The following ELOVL7 variants were observed in gnomAD, a reference collection of about 807,000 sequenced individuals.
ELOVL7 encodes the protein ELOVL fatty acid elongase 7.
Under a neutral mutation model 35.7 loss-of-function variants are expected in ELOVL7, and 27 were observed. That is an observed-to-expected ratio of 0.76 (90% CI 0.56 to 1.04). The LOEUF (loss-of-function observed/expected upper bound fraction) is 1.04, where lower values mean the gene tolerates loss of function less well. Ranked by LOEUF, ELOVL7 falls within the 50% of genes least tolerant of loss-of-function variation. ELOVL7 has a pLI of 0.00. For missense variants in ELOVL7, 327 were observed against 340.8 expected (o/e 0.96, Z 0.32); for synonymous variants, 113 against 114.6 (o/e 0.99, Z 0.09).
At chr5:60,808,131 C>T (rs1441495126) in intron 1 of ELOVL7, among the ~76,000 whole-genome samples, 2 of 149,696 alleles carry the variant, frequency 1.3e-5, no homozygotes, top group Non-Finnish European at 3.0e-5. Flanking sequence ...GTATTCACAA[C>T]CAAACAGTGA....
chr5:60,835,983 G>GCAC (rs1746775556), intron 1 of ELOVL7, among the ~76,000 whole-genome samples: 2 of 151,972 alleles, frequency 1.3e-5, no homozygotes, highest in Non-Finnish European at 2.9e-5. Context: ...TCATGCCTGG[G>GCAC]CACCACCCCA....
intron 1 of ELOVL7, among the ~76,000 whole-genome samples, chr5:60,811,214 G>C (rs1745221117): frequency 6.6e-6 from 1 of 151,800 alleles, no homozygotes; most frequent in Non-Finnish European, 1.5e-5. Flanking sequence ...TTATTCATTT[G>C]AACTATGAAC....
At chr5:60,783,990 C>A (rs1399356976) in intron 3 of ELOVL7, 2 of 666,056 alleles carry the variant, frequency 3.0e-6, no homozygotes, top group African/African-American at 3.5e-5. Context: ...GTCTGACAGT[C>A]TATACCCCAA....
intron 1 of ELOVL7, among the ~76,000 whole-genome samples, chr5:60,835,587 T>G (rs1746750903): frequency 6.6e-6 from 1 of 151,852 alleles, no homozygotes; most frequent in Non-Finnish European, 1.5e-5. Flanking sequence ...ATTTTTTAAA[T>G]TTTTTGTAGA....
At position 60,844,218 on chromosome 5, in the gene ELOVL7, A is replaced by C. The variant is rs1410546762; in HGVS notation, c.-144T>G. ...CGCGGGAGAGAGGGCGGCGACTGGCAGCGCGAGCGCGGAGCTCCTCACAGC... is the reference window on the plus strand; with the variant it reads ...CGCGGGAGAGAGGGCGGCGACTGGCCGCGCGAGCGCGGAGCTCCTCACAGC... On this transcript the variant is annotated 5_prime_UTR_variant, in exon 1 of 9. Transcript: ENST00000508821. 6.6e-6 allele frequency: 1 copy of C among 152,156 alleles called. No individual in the cohort carries two copies. The highest frequency in any genetic ancestry group is 6.5e-5 in the Admixed American group (1 of 15,272). 9.4% of individuals were successfully genotyped at this position (152,156 alleles called of 1,614,324 possible). A position where few individuals can be genotyped will look rare whatever the true frequency, so the allele number is the denominator to read the frequency against.
chr5:60,823,444 A>G (rs1228858396), intron 1 of ELOVL7, among the ~76,000 whole-genome samples: 1 of 152,210 alleles, frequency 6.6e-6, no homozygotes, highest in Non-Finnish European at 1.5e-5. Context: ...GAAGGCACGG[A>G]CTATAACTGT....
intron 1 of ELOVL7, among the ~76,000 whole-genome samples, chr5:60,838,798 C>A (rs1183798353): frequency 6.6e-6 from 1 of 151,930 alleles, no homozygotes; most frequent in Non-Finnish European, 1.5e-5. Flanking sequence ...CTGAGGAGGG[C>A]AGATCACCTG....
rs1371479713 is a variant in ELOVL7, at chr5:60,753,589, G to C, written c.*1035C>G. On this transcript the variant is annotated 3_prime_UTR_variant, in exon 9 of 9. Transcript: ENST00000508821. ...TTCTCTGTGCCACAATTTGCCTCTA[G>C]TTGCTTCACAGCCACTCTAACTCAT... The C allele has an allele frequency of 6.6e-6, 1 of 152,086 alleles. No individual in the cohort carries two copies. The highest frequency in any genetic ancestry group is 1.5e-5 in the Non-Finnish European group (1 of 68,006). The allele number at this position is 152,086 out of a possible 1,614,324, so 9.4% of individuals were successfully genotyped here.
chr5:60,775,716 T>C (rs182020887), intron 3 of ELOVL7, among the ~76,000 whole-genome samples: 1 of 151,918 alleles, frequency 6.6e-6, no homozygotes, highest in East Asian at 1.9e-4. Flanking sequence ...TCAATGAAAA[T>C]AAGCAATGGG....
intron 1 of ELOVL7, among the ~76,000 whole-genome samples, chr5:60,839,737 C>T (rs1469750449): frequency 2.6e-5 from 4 of 152,150 alleles, no homozygotes; most frequent in African/African-American, 9.7e-5. Flanking sequence ...CAATGGCTCA[C>T]ATCTGTAATC....
intron 8 of ELOVL7, among the ~76,000 whole-genome samples, chr5:60,755,912 T>G (rs543830409): frequency 6.6e-6 from 1 of 152,198 alleles, no homozygotes; most frequent in Admixed American, 6.5e-5. Context: ...TTACTCACAA[T>G]CTGTCTAGTT....
intron 7 of ELOVL7, among the ~76,000 whole-genome samples, chr5:60,763,346 T>A (rs1487975400): frequency 6.6e-6 from 1 of 152,216 alleles, no homozygotes; most frequent in Non-Finnish European, 1.5e-5. Context: ...TTTTCCTCCA[T>A]GTTTAGAGAG....
intron 8 of ELOVL7, 113 bp downstream of exon 8, chr5:60,757,396 T>C (rs1211657407): frequency 9.1e-7 from 1 of 1,093,994 alleles, no homozygotes; most frequent in Non-Finnish European, 1.3e-6. Flanking sequence ...GGCCAGACGC[T>C]CTACCCCTAT....
chr5:60,819,450 T>C (rs999564876), intron 1 of ELOVL7, among the ~76,000 whole-genome samples: 13 of 152,090 alleles, frequency 8.5e-5, no homozygotes, highest in Non-Finnish European at 1.8e-4. Flanking sequence ...TGCTTCCCTG[T>C]ACAAATGAGA....
intron 3 of ELOVL7, among the ~76,000 whole-genome samples, chr5:60,782,278 A>C (rs1743302107): frequency 6.6e-6 from 1 of 152,244 alleles, no homozygotes. Context: ...TGGAGAAAAG[A>C]GAACCCTTGT....
intron 7 of ELOVL7, among the ~76,000 whole-genome samples, chr5:60,762,506 T>A (rs894217882): frequency 6.6e-5 from 10 of 152,010 alleles, no homozygotes; most frequent in African/African-American, 1.9e-4. Context: ...TTAGAAAATA[T>A]AGAGAAAGGG....
At chr5:60,790,313 A>C (rs1743857677) in intron 2 of ELOVL7, among the ~76,000 whole-genome samples, 1 of 152,210 alleles carries the variant, frequency 6.6e-6, no homozygotes, top group South Asian at 2.1e-4. Flanking sequence ...GGCTGAAGGA[A>C]TGGAAGAAAG....
In ELOVL7 at chr5:60,752,846, G is replaced by A. The variant is rs574674172; in HGVS notation, c.*1778C>T. The A allele has an allele frequency of 2.6e-5, 4 of 152,128 alleles. No individual in the cohort carries two copies. Among genetic ancestry groups the A allele is most frequent in the African/African-American group, 9.6e-5 (4 of 41,484 alleles). 9.4% of individuals were successfully genotyped at this position (152,128 alleles called of 1,614,324 possible). A position where few individuals can be genotyped will look rare whatever the true frequency, so the allele number is the denominator to read the frequency against. The stretch of plus-strand genomic sequence containing the variant: ...TAATCCCAGCTACTTGGGAGGCTGA[G>A]ACAGGAGAATCACTTGAACCTGGGA... On this transcript the variant is annotated 3_prime_UTR_variant, in exon 9 of 9. Transcript: ENST00000508821.
intron 1 of ELOVL7, among the ~76,000 whole-genome samples, chr5:60,832,545 T>C (rs1049982565): frequency 3.3e-5 from 5 of 152,202 alleles, no homozygotes; most frequent in Admixed American, 3.3e-4. Context: ...TTTGTATTTT[T>C]AGTAGAGATG....
Sources: allele counts gnomAD v4.1 joint callset (sites outside exome capture counted in the v4.1 genomes callset), GRCh38; gene constraint gnomAD v4.1.1; transcripts MANE v1.5; gene names NCBI Gene and HGNC (gene_info 2026-07-23, HGNC 2026-07-21).